The following RXFP1 variants were observed in gnomAD, a reference collection of about 807,000 sequenced individuals.
RXFP1 encodes relaxin family peptide receptor 1.
In RXFP1, 73 loss-of-function variants were observed where a neutral mutation model predicts 89.8. The observed-to-expected ratio is 0.81, with a 90% CI of 0.67 to 0.99. The LOEUF (loss-of-function observed/expected upper bound fraction) is 0.99. Ranked by LOEUF, RXFP1 falls within the 50% of genes least tolerant of loss-of-function variation. The pLI, the probability that RXFP1 is intolerant of heterozygous loss-of-function variation, is 0.00. For synonymous variants in RXFP1, 277 were observed against 305.5 expected (o/e 0.91, Z 0.97); for missense variants, 793 against 895.5 (o/e 0.89, Z 1.46).
intron 2 of RXFP1, among the ~76,000 whole-genome samples, chr4:158,577,218 T>C (rs1032888573): frequency 2.6e-5 from 4 of 152,118 alleles, no homozygotes; most frequent in African/African-American, 9.7e-5. Context: ...TTTGCATTTT[T>C]AGTATTGATG....
intron 3 of RXFP1, among the ~76,000 whole-genome samples, chr4:158,594,384 T>C (rs1401622900): frequency 6.6e-6 from 1 of 152,176 alleles, no homozygotes; most frequent in Non-Finnish European, 1.5e-5. Context: ...TGTTATTTTC[T>C]GGGGTGGCAC....
chr4:158,623,871 A>G (rs993568178), intron 9 of RXFP1, among the ~76,000 whole-genome samples: 5 of 152,196 alleles, frequency 3.3e-5, no homozygotes, highest in African/African-American at 1.2e-4. Context: ...CTTTAGCAAC[A>G]TCTTGTACCA....
intron 9 of RXFP1, among the ~76,000 whole-genome samples, chr4:158,617,539 G>C (rs1764838268): frequency 6.6e-6 from 1 of 151,432 alleles, no homozygotes; most frequent in Non-Finnish European, 1.5e-5. Context: ...CTACTAATTT[G>C]GTACAGAAAG....
At position 158,537,033 on chromosome 4, in the gene RXFP1, T is replaced by C. The variant is rs569019125; in HGVS notation, c.49+15008T>C. On this transcript the variant is annotated intron_variant, in intron 1 of 17. Coordinates refer to ENST00000307765, the MANE Select transcript of RXFP1 (RefSeq NM_021634.4). ...TATATTAGGTTTGGTGCAAAAGTAA[T>C]TGCGGTTTTTGACAACGCAATTACT... 7.9e-5 allele frequency among the ~76,000 whole-genome samples: 12 copies of C among 151,028 alleles called. No individual in the cohort carries two copies. In the East Asian group the frequency reaches 2.4e-3, roughly 30 times the overall value.
intron 12 of RXFP1, among the ~76,000 whole-genome samples, 181 bp from the exon 13 acceptor site, chr4:158,637,827 C>A (rs1769501942): frequency 6.6e-6 from 1 of 152,152 alleles, no homozygotes; most frequent in South Asian, 2.1e-4. Context: ...TGTCCTGGGG[C>A]TTTCCACCTA....
Position 158,652,320 on chromosome 4 carries a change from A to G in RXFP1, c.*265A>G. ...ACATTCATTCATTTTTCTAACATGCATTTATTGAGTACCCACTACTATGTG... is the reference window on the plus strand; with the variant it reads ...ACATTCATTCATTTTTCTAACATGCGTTTATTGAGTACCCACTACTATGTG... On this transcript the variant is annotated 3_prime_UTR_variant, in exon 18 of 18. Coordinates refer to ENST00000307765, the MANE Select transcript of RXFP1 (RefSeq NM_021634.4). The G allele has an allele frequency of 2.8e-6, 1 of 354,632 alleles. No individual in the cohort carries two copies. The highest frequency in any genetic ancestry group is 5.6e-5 in the East Asian group (1 of 18,002). The allele number at this position is 354,632 out of a possible 1,614,324, so 22.0% of individuals were successfully genotyped here.
At chr4:158,635,587 T>C (rs1768983672) in intron 12 of RXFP1, among the ~76,000 whole-genome samples, 1 of 152,220 alleles carries the variant, frequency 6.6e-6, no homozygotes, top group African/African-American at 2.4e-5. Flanking sequence ...GCAGGAATCC[T>C]TGTCTTGTTC....
chr4:158,546,192 AT>A (rs1273534182), intron 1 of RXFP1, among the ~76,000 whole-genome samples: 1 of 151,816 alleles, frequency 6.6e-6, no homozygotes, highest in Non-Finnish European at 1.5e-5. Context: ...ATTCCTAGGT[AT>A]TTTATTCTCT....
chr4:158,646,830 G>A lies in RXFP1; in HGVS notation c.1385G>A (p.Gly462Glu). The change falls in exon 16 of 18, where the codon GGA becomes GAA. Residue 462 changes from glycine to glutamate, a missense_variant. Physicochemically the swap from Gly to Glu is moderately conservative, Grantham distance 98. Coordinates refer to ENST00000307765, the MANE Select transcript of RXFP1 (RefSeq NM_021634.4). ...CLMGIYLFVI[G>E]GFDLKFRGEY... Reference sequence around the variant, plus strand: ...ATGGGAATATATTTATTCGTGATCGGAGGCTTTGACCTAAAGTTTCGTGGA... The same window carrying A: ...ATGGGAATATATTTATTCGTGATCGAAGGCTTTGACCTAAAGTTTCGTGGA... 6.2e-7 allele frequency: 1 copy of A among 1,613,742 alleles called. No homozygotes were observed. The highest frequency in any genetic ancestry group is 8.5e-7 in the Non-Finnish European group (1 of 1,179,786).
chr4:158,550,162 T>A (rs1045952145), intron 1 of RXFP1, among the ~76,000 whole-genome samples: 3 of 152,172 alleles, frequency 2.0e-5, no homozygotes, highest in African/African-American at 7.2e-5. Flanking sequence ...CAGGAGGCCC[T>A]CCCCCAGCCT....
chr4:158,523,090 G>C (rs1741583812), intron 1 of RXFP1, among the ~76,000 whole-genome samples: 2 of 152,136 alleles, frequency 1.3e-5, no homozygotes, highest in Non-Finnish European at 2.9e-5. Context: ...AAATATTCTA[G>C]TCCTAGCCTT....
chr4:158,591,019 G>T (rs898687965), intron 2 of RXFP1, among the ~76,000 whole-genome samples: 16 of 152,162 alleles, frequency 1.1e-4, no homozygotes, highest in African/African-American at 3.9e-4. Flanking sequence ...GAGGCTGGCT[G>T]CAGTAACTGC....
chr4:158,643,111 G>C lies in RXFP1; in HGVS notation c.1116-1798G>C, dbSNP rs1249523903. ...TGTCTGCTTCTTTATTGTACATGTG[G>C]TTGACAAAGAAAAGGAAAGATGGAG... On this transcript the variant is annotated intron_variant, in intron 14 of 17. Coordinates refer to ENST00000307765, the MANE Select transcript of RXFP1 (RefSeq NM_021634.4). Among the ~76,000 whole-genome samples the C allele has an allele frequency of 2.0e-5, 3 of 152,142 alleles. No individual in the cohort carries two copies. The East Asian group carries it at 5.8e-4, about 29-fold the overall frequency.
chr4:158,543,184 T>C (rs1393841138), intron 1 of RXFP1, among the ~76,000 whole-genome samples: 1 of 152,208 alleles, frequency 6.6e-6, no homozygotes, highest in East Asian at 1.9e-4. Flanking sequence ...TATTCAGCCA[T>C]GCCCTGAGGC....
intron 2 of RXFP1, among the ~76,000 whole-genome samples, chr4:158,589,985 G>T (rs1759096123): frequency 6.6e-6 from 1 of 152,056 alleles, no homozygotes; most frequent in Non-Finnish European, 1.5e-5. Context: ...CCAGGAGTTT[G>T]GGGCTGCAGT....
chr4:158,637,921 G>T, intron 12 of RXFP1, 87 bp from the exon 13 acceptor site: 4 of 787,048 alleles, frequency 5.1e-6, no homozygotes, highest in Admixed American at 2.1e-5. Flanking sequence ...TCATAAATAT[G>T]TTAAAGTAAC....
chr4:158,603,750 C>T (rs1383027833), intron 4 of RXFP1, among the ~76,000 whole-genome samples: 4 of 151,748 alleles, frequency 2.6e-5, no homozygotes, highest in Non-Finnish European at 5.9e-5. Flanking sequence ...ATTAGCCAAG[C>T]GTGGTGGCGC....
intron 5 of RXFP1, chr4:158,607,169 C>A (rs912282037): frequency 7.2e-7 from 1 of 1,379,516 alleles, no homozygotes; most frequent in Non-Finnish European, 1.0e-6. Flanking sequence ...TGTGTGGGTG[C>A]AATGATGCAA....
chr4:158,547,335 T>A (rs1404801776), intron 1 of RXFP1, among the ~76,000 whole-genome samples: 1 of 152,198 alleles, frequency 6.6e-6, no homozygotes, highest in Non-Finnish European at 1.5e-5. Context: ...TTGATTCTTC[T>A]GTCTTTTCTT....
Sources: allele counts gnomAD v4.1 joint callset (sites outside exome capture counted in the v4.1 genomes callset), GRCh38; gene constraint gnomAD v4.1.1; transcripts MANE v1.5; gene names NCBI Gene and HGNC (gene_info 2026-07-23, HGNC 2026-07-21).